The following PCDHGA1 variants were observed in gnomAD, a reference collection of about 807,000 sequenced individuals.
PCDHGA1 encodes the protein protocadherin gamma-A1.
PCDHGA1 carries 32 observed loss-of-function variants against 58.0 expected under a neutral mutation model. The observed-to-expected ratio is 0.55, with a 90% CI of 0.42 to 0.74. The LOEUF is 0.74. PCDHGA1 is among the 30% of genes least tolerant of loss of function. The pLI, the probability that PCDHGA1 is intolerant of heterozygous loss-of-function variation, is 0.00. For synonymous variants in PCDHGA1, 498 were observed against 501.1 expected (o/e 0.99, Z 0.08); for missense variants, 1,205 against 1,182.3 (o/e 1.02, Z -0.28).
chr5:141,403,212 C>T (rs755734755), intron 1 of PCDHGA1: 8 of 1,613,834 alleles, frequency 5.0e-6, no homozygotes, highest in East Asian at 2.2e-5. Context: ...TTGGTCACCG[C>T]GGGTAGGATA....
At chr5:141,422,714 C>T (rs2096666670) in intron 1 of PCDHGA1, 1 of 1,603,720 alleles carries the variant, frequency 6.2e-7, no homozygotes, top group South Asian at 1.1e-5. Flanking sequence ...ACGGATGACA[C>T]TGTCCAGGGG....
chr5:141,384,402 GTCC>G lies in PCDHGA1; in HGVS notation c.2421+51302_2421+51304del, dbSNP rs781624552. ...AAGACACCATCCAGGGGGCTCCAGTGTCCTCCTATGTCTCCATAAACTCTGACA... is the reference window on the plus strand; with the variant it reads ...AAGACACCATCCAGGGGGCTCCAGTGTCCTATGTCTCCATAAACTCTGACA... On this transcript the variant is annotated intron_variant, in intron 1 of 3. Coordinates refer to ENST00000517417, the MANE Select transcript of PCDHGA1 (RefSeq NM_018912.3). The G allele has an allele frequency of 1.8e-5, 29 of 1,613,830 alleles. No homozygotes were observed. The African/African-American group carries it at 2.4e-4, about 13-fold the overall frequency.
chr5:141,458,575 G>A (rs1337776166), intron 1 of PCDHGA1, among the ~76,000 whole-genome samples: 1 of 151,346 alleles, frequency 6.6e-6, no homozygotes, highest in Non-Finnish European at 1.5e-5. Context: ...GTTTTTGTTT[G>A]TTTGTTTGTT....
At chr5:141,411,425 A>AC (rs971774943) in intron 1 of PCDHGA1, 58 of 150,512 alleles carry the variant, frequency 3.9e-4, no homozygotes, top group African/African-American at 1.4e-3. Flanking sequence ...AACAACAACA[A>AC]AAAAAAACAT....
intron 1 of PCDHGA1, chr5:141,362,523 T>G: frequency 6.2e-7 from 1 of 1,614,040 alleles, no homozygotes; most frequent in Non-Finnish European, 8.5e-7. Context: ...ATGGAGCCGC[T>G]GGGGTCCCTT....
At chr5:141,339,397 C>T in intron 1 of PCDHGA1, 1 of 1,614,220 alleles carries the variant, frequency 6.2e-7, no homozygotes, top group Non-Finnish European at 8.5e-7. Context: ...AGCTAAAAAT[C>T]AGTGAAACCA....
chr5:141,351,457 G>A (rs1461489650), intron 1 of PCDHGA1: 3 of 1,613,298 alleles, frequency 1.9e-6, no homozygotes, highest in East Asian at 2.2e-5. Context: ...ATTATTACAA[G>A]CTGGTGATTG....
intron 1 of PCDHGA1, chr5:141,412,659 C>T (rs1013218327): frequency 7.9e-5 from 12 of 152,212 alleles, no homozygotes; most frequent in African/African-American, 2.4e-4. Flanking sequence ...TACCTAGACA[C>T]TAATATGACC....
intron 1 of PCDHGA1, among the ~76,000 whole-genome samples, chr5:141,338,395 G>C (rs3822359): frequency 6.6e-6 from 1 of 152,280 alleles, no homozygotes; most frequent in South Asian, 2.1e-4. Context: ...AGAAGAAAAC[G>C]TAGCTAACGT....
rs561329093 is a variant in PCDHGA1 at position 141,509,163 on chromosome 5, C to A, written c.2570-1784C>A. Among the ~76,000 whole-genome samples the A allele has an allele frequency of 1.4e-4, 21 of 152,322 alleles. No individual in the cohort carries two copies. In the South Asian group the frequency reaches 4.1e-3, roughly 30 times the overall value. On this transcript the variant is annotated intron_variant, in intron 3 of 3. Coordinates refer to ENST00000517417, the MANE Select transcript of PCDHGA1 (RefSeq NM_018912.3). ...CATCCCGGCTCTCCCCTCCCGTGTG[C>A]CCTCCTCCTCTTATGCCGGCTTGAA...
chr5:141,375,048 G>A (rs1457528416), intron 1 of PCDHGA1: 4 of 1,614,022 alleles, frequency 2.5e-6, no homozygotes, highest in South Asian at 1.1e-5. Flanking sequence ...GTTGAAGCCC[G>A]GGATGGGCCA....
chr5:141,499,689 C>CTTTTT (rs545067566), intron 2 of PCDHGA1, among the ~76,000 whole-genome samples: 5 of 119,848 alleles, frequency 4.2e-5, no homozygotes, highest in Admixed American at 8.7e-5. Context: ...TAACAGATGA[C>CTTTTT]TTTTTTTTTT....
At position 141,403,267 on chromosome 5, in the gene PCDHGA1, C is replaced by T. The variant is rs767670942; in HGVS notation, c.2421+70162C>T. On this transcript the variant is annotated intron_variant, in intron 1 of 3. Transcript: ENST00000517417. ...CTCAGAGCCCGCGGTGTCTGGTGAA[C>T]TTTAAAGTCCTGGTTGAAGACAGAG... is the stretch of plus-strand genomic sequence containing the variant. 4.4e-5 allele frequency: 71 copies of T among 1,613,770 alleles called. No homozygotes were observed. Among genetic ancestry groups the T allele is most frequent in the Non-Finnish European group, 5.8e-5 (69 of 1,179,916 alleles).
rs149553852 is a variant in PCDHGA1 at position 141,415,009 on chromosome 5, C to T, written c.2422-79798C>T. On this transcript the variant is annotated intron_variant, in intron 1 of 3. Coordinates refer to ENST00000517417, the MANE Select transcript of PCDHGA1 (RefSeq NM_018912.3). ...CCAGAACGCCTGGCTGTCCTACCGT[C>T]TGCTCAAGGCCAGCGAGCCGGGACT... 1.9e-3 allele frequency: 3,040 copies of T among 1,613,658 alleles called. 49 individuals are homozygous for T. In the African/African-American group the frequency reaches 0.033, roughly 18 times the overall value.
intron 1 of PCDHGA1, chr5:141,420,076 T>C (rs764381539): frequency 3.3e-5 from 53 of 1,613,956 alleles, no homozygotes; most frequent in Non-Finnish European, 4.5e-5. Context: ...GACCTGTGGG[T>C]CCCCCCAACT....
intron 1 of PCDHGA1, among the ~76,000 whole-genome samples, chr5:141,386,595 ATT>A (rs373179212): frequency 2.1e-5 from 3 of 146,060 alleles, no homozygotes; most frequent in African/African-American, 7.5e-5. Flanking sequence ...TGGGGGATAC[ATT>A]TTTTTTTTTT....
chr5:141,356,300 C>A (rs1390154856), intron 1 of PCDHGA1: 1 of 1,554,478 alleles, frequency 6.4e-7, no homozygotes, highest in Admixed American at 2.0e-5. Context: ...ACAGTAATTG[C>A]ACTTTTCAAC....
chr5:141,345,828 G>A (rs751361180), intron 1 of PCDHGA1: 4 of 1,613,560 alleles, frequency 2.5e-6, no homozygotes, highest in Non-Finnish European at 2.5e-6. Flanking sequence ...CAGAGACTCG[G>A]GCCAGAACGC....
intron 1 of PCDHGA1, chr5:141,350,661 G>A: frequency 1.2e-6 from 2 of 1,613,992 alleles, no homozygotes; most frequent in South Asian, 1.1e-5. Flanking sequence ...GTTGCAAAAG[G>A]CATTGACTTA....
Sources: gnomAD v4.1 joint callset for allele counts (sites outside exome capture counted in the v4.1 genomes callset) on GRCh38, gnomAD v4.1.1 for gene constraint, MANE v1.5 for transcripts, NCBI Gene and HGNC (gene_info 2026-07-23, HGNC 2026-07-21) for gene names.